Variants in MACROD2 observed in about 807,000 individuals in gnomAD.
MACROD2 encodes mono-ADP ribosylhydrolase 2.
In MACROD2, 36 loss-of-function variants were observed where a neutral mutation model predicts 70.4. The observed-to-expected ratio is 0.51, with a 90% confidence interval of 0.39 to 0.68. MACROD2 has a LOEUF of 0.68. MACROD2 is among the 30% of genes least tolerant of loss of function. The pLI, the probability that MACROD2 is intolerant of heterozygous loss-of-function variation, is 0.00. For synonymous variants in MACROD2, 172 were observed against 178.8 expected (o/e 0.96, Z 0.30); for missense variants, 496 against 538.4 (o/e 0.92, Z 0.78).
intron 5 of MACROD2, among the ~76,000 whole-genome samples, chr20:15,139,395 C>T (rs539059255): frequency 6.1e-4 from 92 of 151,976 alleles, no homozygotes; most frequent in Middle Eastern, 3.4e-3. Context: ...GGGGGGGTGT[C>T]GTAGGGGAAT....
intron 9 of MACROD2, among the ~76,000 whole-genome samples, chr20:15,880,985 A>G (rs1236928802): frequency 3.3e-5 from 5 of 152,064 alleles, no homozygotes; most frequent in Admixed American, 6.6e-5. Flanking sequence ...ATATTTCCCA[A>G]TACAACTTCT....
intron 6 of MACROD2, among the ~76,000 whole-genome samples, chr20:15,363,777 AG>A (rs761006317): frequency 2.0e-4 from 30 of 152,326 alleles, no homozygotes; most frequent in Non-Finnish European, 3.4e-4. Flanking sequence ...TAGAAATGGA[AG>A]GCAAGATGAA....
chr20:14,470,143 G>C (rs1484578326), intron 3 of MACROD2, among the ~76,000 whole-genome samples: 4 of 152,030 alleles, frequency 2.6e-5, no homozygotes, highest in Non-Finnish European at 5.9e-5. Flanking sequence ...TGATGTTCAT[G>C]CTATTCCTTT....
At chr20:14,615,208 G>T (rs1983405843) in intron 4 of MACROD2, among the ~76,000 whole-genome samples, 1 of 152,058 alleles carries the variant, frequency 6.6e-6, no homozygotes, top group South Asian at 2.1e-4. Flanking sequence ...AGCTGTCACT[G>T]GAAGTAGTGA....
intron 6 of MACROD2, among the ~76,000 whole-genome samples, chr20:15,335,044 A>G (rs1327772767): frequency 6.6e-6 from 1 of 151,756 alleles, no homozygotes; most frequent in Non-Finnish European, 1.5e-5. Flanking sequence ...AAGCTGGGAA[A>G]GGCTTCAGCA....
intron 3 of MACROD2, among the ~76,000 whole-genome samples, chr20:14,333,873 C>T (rs1053067249): frequency 2.0e-5 from 3 of 152,182 alleles, no homozygotes; most frequent in African/African-American, 7.2e-5. Flanking sequence ...CAGTGGCACA[C>T]TTTAAAAATG....
intron 12 of MACROD2, among the ~76,000 whole-genome samples, chr20:15,953,583 A>AGC (rs758610909): frequency 3.5e-4 from 54 of 152,298 alleles, no homozygotes; most frequent in Non-Finnish European, 6.2e-4. Flanking sequence ...GGCTTTTTTG[A>AGC]ATCTCAGCTA....
chr20:14,414,826 C>G (rs1405055255), intron 3 of MACROD2, among the ~76,000 whole-genome samples: 8 of 152,068 alleles, frequency 5.3e-5, no homozygotes, highest in African/African-American at 9.7e-5. Flanking sequence ...CTCCTGGCCT[C>G]TGCTTAGATG....
At chr20:15,278,785 T>C (rs756299529) in intron 6 of MACROD2, among the ~76,000 whole-genome samples, 2 of 152,212 alleles carry the variant, frequency 1.3e-5, no homozygotes, top group African/African-American at 4.8e-5. Context: ...AAGAACACTT[T>C]GCATCAGTTA....
chr20:14,575,126 T>C (rs917636414), intron 4 of MACROD2, among the ~76,000 whole-genome samples: 1 of 151,830 alleles, frequency 6.6e-6, no homozygotes, highest in Non-Finnish European at 1.5e-5. Flanking sequence ...TATTGTATTA[T>C]ATATAGCAAT....
intron 5 of MACROD2, among the ~76,000 whole-genome samples, chr20:14,793,687 G>A (rs1054425089): frequency 2.0e-5 from 3 of 152,098 alleles, no homozygotes; most frequent in East Asian, 3.9e-4. Flanking sequence ...CCAAAAGCTC[G>A]AAGAAAAGAC....
intron 4 of MACROD2, among the ~76,000 whole-genome samples, chr20:14,670,091 G>A (rs142865562): frequency 7.0e-4 from 107 of 152,024 alleles, no homozygotes; most frequent in Non-Finnish European, 1.2e-3. Context: ...GTATGTTGCC[G>A]AGCTTTTGAG....
chr20:14,336,924 A>G (rs929529486), intron 3 of MACROD2, among the ~76,000 whole-genome samples: 5 of 152,202 alleles, frequency 3.3e-5, no homozygotes, highest in African/African-American at 9.6e-5. Flanking sequence ...CTCCAGGAGT[A>G]GCTCGGCTAG....
At chr20:14,975,013 C>A (rs2074725605) in intron 5 of MACROD2, among the ~76,000 whole-genome samples, 1 of 152,072 alleles carries the variant, frequency 6.6e-6, no homozygotes. Context: ...TTAGATAATT[C>A]TTTGTTATTG....
Position 14,002,376 on chromosome 20 carries a change from G to A in MACROD2, c.135G>A (p.Glu45=), listed in dbSNP as rs1216626368. The A allele has an allele frequency of 6.2e-7, 1 of 1,604,308 alleles. No individual in the cohort carries two copies. Among genetic ancestry groups the A allele is most frequent in the Non-Finnish European group, 8.5e-7 (1 of 1,176,150 alleles). ...IPLNSILSWK[E]EMKGKGQNDE... The stretch of plus-strand genomic sequence containing the variant: ...TGAACAGCATTCTATCATGGAAGGA[G>A]GAGATGAAGGGCAAGGGCCAAAATG... The change falls in exon 2 of 18, where the codon GAG becomes GAA. Residue 45 remains glutamate (E), a synonymous_variant. Transcript: ENST00000684519.
intron 2 of MACROD2, among the ~76,000 whole-genome samples, chr20:14,077,802 A>G (rs1186524143): frequency 6.6e-6 from 1 of 152,124 alleles, no homozygotes; most frequent in Admixed American, 6.5e-5. Context: ...GTGTGCTAAT[A>G]TAAAACTAGA....
chr20:15,387,567 T>G (rs1274898950), intron 6 of MACROD2, among the ~76,000 whole-genome samples: 1 of 151,518 alleles, frequency 6.6e-6, no homozygotes, highest in African/African-American at 2.4e-5. Context: ...TTTCTTCTCT[T>G]TTTTCTCCCC....
At chr20:15,170,107 G>C (rs540563158) in intron 5 of MACROD2, among the ~76,000 whole-genome samples, 14 of 152,166 alleles carry the variant, frequency 9.2e-5, no homozygotes, top group Non-Finnish European at 2.1e-4. Flanking sequence ...GTTTATTCTT[G>C]TAATTTATTC....
intron 4 of MACROD2, among the ~76,000 whole-genome samples, chr20:14,658,581 G>T (rs1454903347): frequency 6.6e-6 from 1 of 152,122 alleles, no homozygotes; most frequent in South Asian, 2.1e-4. Context: ...AGTTACCTAT[G>T]GCTAATATTT....
Sources: gnomAD v4.1 joint callset for allele counts (sites outside exome capture counted in the v4.1 genomes callset) on GRCh38, gnomAD v4.1.1 for gene constraint, MANE v1.5 for transcripts, NCBI Gene and HGNC (gene_info 2026-07-23, HGNC 2026-07-21) for gene names.